FGF14: variants seen among roughly 807,000 people sequenced by gnomAD.
FGF14 encodes fibroblast growth factor 14, also known as fibroblast growth factor homologous factor 4.
FGF14 carries 5 observed loss-of-function variants against 25.5 expected under a neutral mutation model. The observed-to-expected ratio is 0.20, with a 90% CI of 0.10 to 0.41. The LOEUF (loss-of-function observed/expected upper bound fraction) is 0.41, where lower values mean the gene tolerates loss of function less well. Among genes scored for constraint, FGF14 ranks in the 10% least tolerant of loss-of-function variants. The pLI, the probability that FGF14 is intolerant of heterozygous loss-of-function variation, is 1.00. For missense variants in FGF14, 222 were observed against 320.1 expected, an observed-to-expected ratio of 0.69 and a Z score of 2.34; for synonymous variants, 138 against 118.3, an observed-to-expected ratio of 1.17 and a Z score of -1.08.
intron 1 of FGF14, among the ~76,000 whole-genome samples, chr13:102,051,441 C>T (rs939477753): frequency 6.6e-6 from 1 of 152,154 alleles, no homozygotes; most frequent in East Asian, 1.9e-4. Flanking sequence ...AGGCACCACA[C>T]ATCAGACACC....
intron 1 of FGF14, among the ~76,000 whole-genome samples, chr13:101,890,036 C>A (rs376589489): frequency 4.6e-5 from 7 of 152,198 alleles, no homozygotes; most frequent in Admixed American, 3.3e-4. Context: ...GATATTGTAC[C>A]AAACCATCTT....
intron 1 of FGF14, among the ~76,000 whole-genome samples, chr13:101,968,533 C>T (rs1007997434): frequency 1.3e-5 from 2 of 151,854 alleles, no homozygotes; most frequent in Non-Finnish European, 1.5e-5. Context: ...ATTAGCCAGG[C>T]GTGGTGGCAG....
intron 1 of FGF14, among the ~76,000 whole-genome samples, chr13:102,192,226 A>G (rs909849250): frequency 6.6e-5 from 10 of 152,226 alleles, no homozygotes; most frequent in Admixed American, 2.0e-4. Context: ...AGTTAGAGCC[A>G]AATAGCTCTC....
intron 1 of FGF14, among the ~76,000 whole-genome samples, chr13:102,066,847 C>T (rs981198121): frequency 1.3e-5 from 2 of 152,182 alleles, no homozygotes; most frequent in African/African-American, 2.4e-5. Context: ...CATGAACCTC[C>T]AGGCCTCTGC....
chr13:102,038,868 T>G (rs1445706891), intron 1 of FGF14, among the ~76,000 whole-genome samples: 2 of 152,170 alleles, frequency 1.3e-5, no homozygotes, highest in Non-Finnish European at 2.9e-5. Context: ...TTACATTAGC[T>G]TCTAGGAAAA....
At chr13:102,056,420 T>G (rs1329902936) in intron 1 of FGF14, among the ~76,000 whole-genome samples, 1 of 152,212 alleles carries the variant, frequency 6.6e-6, no homozygotes, top group East Asian at 1.9e-4. Context: ...CAGCAGAGAT[T>G]AACATTTCTG....
intron 1 of FGF14, among the ~76,000 whole-genome samples, chr13:101,933,469 A>G (rs2034896974): frequency 6.6e-6 from 1 of 152,202 alleles, no homozygotes; most frequent in African/African-American, 2.4e-5. Context: ...CATGCCTGTA[A>G]TTCCAGCACT....
chr13:101,737,075 G>C, intron 3 of FGF14, among the ~76,000 whole-genome samples: 1 of 139,850 alleles, frequency 7.2e-6, no homozygotes, highest in Non-Finnish European at 1.6e-5. Context: ...ATTGGGTTGG[G>C]AGTAGGATAT....
chr13:102,263,181 C>A, intron 1 of FGF14: 1 of 563,032 alleles, frequency 1.8e-6, no homozygotes, highest in East Asian at 4.5e-5. Flanking sequence ...AGTCTTTTAA[C>A]CCTAAAAGTC....
intron 3 of FGF14, among the ~76,000 whole-genome samples, chr13:101,763,556 A>G (rs2038181878): frequency 6.6e-6 from 1 of 151,312 alleles, no homozygotes; most frequent in African/African-American, 2.4e-5. Context: ...CGTTAATTTG[A>G]GGTAAGAAAC....
At position 102,222,662 on chromosome 13, in the gene FGF14, G is replaced by T. The variant is rs116410339; in HGVS notation, c.208+178809C>A. ...ATAGCTTGTTCTACTACTTCTAGAG[G>T]ATACTCTTTTAAGATACAGGTCAGC... is the stretch of plus-strand genomic sequence containing the variant. On this transcript the variant is annotated intron_variant, in intron 1 of 4. Coordinates refer to the FGF14 transcript ENST00000376131. Among the ~76,000 whole-genome samples, 1,520 of 152,250 alleles carry T rather than the reference G, an allele frequency of 1.0e-2. 31 individuals are homozygous for T. Among genetic ancestry groups the T allele is most frequent in the African/African-American group, 0.033 (1,390 of 41,558 alleles).
At chr13:101,957,517 G>T (rs1253848143) in intron 1 of FGF14, among the ~76,000 whole-genome samples, 1 of 152,070 alleles carries the variant, frequency 6.6e-6, no homozygotes, top group Non-Finnish European at 1.5e-5. Context: ...CATTGCCATT[G>T]GTCAGTAACT....
At chr13:102,358,369 T>C (rs7491254) in intron 1 of FGF14, among the ~76,000 whole-genome samples, 1 of 152,252 alleles carries the variant, frequency 6.6e-6, no homozygotes, top group Admixed American at 6.5e-5. Flanking sequence ...AGATTTTATA[T>C]TCCAATACAT....
chr13:101,897,098 T>C (rs994811281), intron 1 of FGF14, among the ~76,000 whole-genome samples: 15 of 152,168 alleles, frequency 9.9e-5, no homozygotes, highest in Non-Finnish European at 5.9e-5. Context: ...TGCTAGGATA[T>C]ATATTATTAT....
chr13:102,347,629 TC>T (rs1156299722), intron 1 of FGF14, among the ~76,000 whole-genome samples: 1 of 152,074 alleles, frequency 6.6e-6, no homozygotes, highest in African/African-American at 2.4e-5. Context: ...GCGCTGGCAA[TC>T]CCAACTGCCC....
chr13:102,270,929 G>A (rs1213077118), intron 1 of FGF14, among the ~76,000 whole-genome samples: 1 of 152,148 alleles, frequency 6.6e-6, no homozygotes, highest in Non-Finnish European at 1.5e-5. Context: ...TGTTACCACT[G>A]AATAAATGCA....
At chr13:102,152,499 G>A (rs1027107801) in intron 1 of FGF14, among the ~76,000 whole-genome samples, 3 of 152,118 alleles carry the variant, frequency 2.0e-5, no homozygotes, top group African/African-American at 7.2e-5. Flanking sequence ...AAGTCAGATT[G>A]GATTAAAGCC....
intron 1 of FGF14, among the ~76,000 whole-genome samples, chr13:102,228,281 A>C: frequency 6.6e-6 from 1 of 152,214 alleles, no homozygotes; most frequent in Admixed American, 6.5e-5. Context: ...AGCTTTAAAA[A>C]ATTAAGATAC....
At chr13:101,895,586 T>C (rs1054451172) in intron 1 of FGF14, among the ~76,000 whole-genome samples, 2 of 152,130 alleles carry the variant, frequency 1.3e-5, no homozygotes, top group African/African-American at 2.4e-5. Context: ...ATTACTCTCA[T>C]CAGAAGGGTC....
Sources: allele counts gnomAD v4.1 joint callset (sites outside exome capture counted in the v4.1 genomes callset), GRCh38; gene constraint gnomAD v4.1.1; transcripts MANE v1.5; gene names NCBI Gene and HGNC (gene_info 2026-07-23, HGNC 2026-07-21).